PGGT1B: variants seen among roughly 807,000 people sequenced by gnomAD.
PGGT1B encodes protein geranylgeranyltransferase type I subunit beta.
A neutral mutation model predicts 46.1 loss-of-function variants in PGGT1B; 30 were observed. The observed-to-expected ratio is 0.65, with a 90% CI of 0.49 to 0.88. The LOEUF (loss-of-function observed/expected upper bound fraction) is 0.88, where lower values mean the gene tolerates loss of function less well. Among genes scored for constraint, PGGT1B ranks in the 40% least tolerant of loss-of-function variants. PGGT1B has a pLI of 0.00. For missense variants in PGGT1B, 376 were observed against 455.9 expected, an observed-to-expected ratio of 0.82 and a Z score of 1.60; for synonymous variants, 170 against 160.0, an observed-to-expected ratio of 1.06 and a Z score of -0.47.
Position 115,209,682 on chromosome 5 carries a change from G to T in PGGT1B, c.*2720C>A, listed in dbSNP as rs557865050. Reference sequence around the variant, plus strand: ...CACTGTTGTCATCATTTTCCCTGAGGTTAAACTGTTAAGACCTCTTTCTGT... The same window carrying T: ...CACTGTTGTCATCATTTTCCCTGAGTTTAAACTGTTAAGACCTCTTTCTGT... On this transcript the variant is annotated 3_prime_UTR_variant, in exon 9 of 9. Coordinates refer to ENST00000419445, the MANE Select transcript of PGGT1B (RefSeq NM_005023.4). 3.7e-4 allele frequency: 56 copies of T among 152,186 alleles called. No homozygotes were observed. The highest frequency in any genetic ancestry group is 1.3e-3 in the African/African-American group (54 of 41,534). 9.4% of individuals were successfully genotyped at this position (152,186 alleles called of 1,614,324 possible). A position where few individuals can be genotyped will look rare whatever the true frequency, so the allele number is the denominator to read the frequency against.
At chr5:115,234,032 C>A (rs991161073) in intron 5 of PGGT1B, among the ~76,000 whole-genome samples, 2 of 151,776 alleles carry the variant, frequency 1.3e-5, no homozygotes, top group African/African-American at 4.8e-5. Context: ...AATATATGCT[C>A]TAAATGTAGA....
At chr5:115,261,003 C>T (rs1258137636) in intron 1 of PGGT1B, among the ~76,000 whole-genome samples, 1 of 152,192 alleles carries the variant, frequency 6.6e-6, no homozygotes, top group African/African-American at 2.4e-5. Context: ...TTAACAATCA[C>T]AATTTAATCA....
At position 115,230,957 on chromosome 5, in the gene PGGT1B, C is replaced by G; in HGVS notation, c.658+19G>C. 6.7e-7 allele frequency: 1 copy of G among 1,496,790 alleles called. No individual in the cohort carries two copies. Among genetic ancestry groups the G allele is most frequent in the Non-Finnish European group, 9.2e-7 (1 of 1,081,978 alleles). The allele number at this position is 1,496,790 out of a possible 1,614,324, so 92.7% of individuals were successfully genotyped here. ...GGGAACAAAAGAAACTACATGTTCA[C>G]TTATTTAAGATGTCTTACCATGAGA... is the stretch of plus-strand genomic sequence containing the variant. On this transcript the variant is annotated intron_variant, in intron 6 of 8. Coordinates refer to ENST00000419445, the MANE Select transcript of PGGT1B (RefSeq NM_005023.4).
chr5:115,224,648 C>A (rs986087573), intron 6 of PGGT1B, among the ~76,000 whole-genome samples: 4 of 151,944 alleles, frequency 2.6e-5, no homozygotes, highest in African/African-American at 9.7e-5. Flanking sequence ...AGTGAGAGAA[C>A]TGCTTGAGCT....
At chr5:115,261,359 A>C (rs184951040) in intron 1 of PGGT1B, among the ~76,000 whole-genome samples, 1 of 152,268 alleles carries the variant, frequency 6.6e-6, no homozygotes, top group East Asian at 1.9e-4. Flanking sequence ...TATTCAACAA[A>C]TATTTCTTAG....
chr5:115,227,368 T>C (rs1031873887), intron 6 of PGGT1B, among the ~76,000 whole-genome samples: 1 of 152,174 alleles, frequency 6.6e-6, no homozygotes, highest in Admixed American at 6.5e-5. Context: ...ATGGTGGAAG[T>C]CAAGTAACAC....
intron 1 of PGGT1B, among the ~76,000 whole-genome samples, chr5:115,257,916 A>G (rs1404194691): frequency 6.6e-6 from 1 of 152,256 alleles, no homozygotes; most frequent in East Asian, 1.9e-4. Context: ...ATACTAGCAC[A>G]TAGATGCTGC....
At chr5:115,216,755 T>C (rs1423127402) in intron 8 of PGGT1B, 110 bp downstream of exon 8, 14 of 682,586 alleles carry the variant, frequency 2.1e-5, no homozygotes, top group Non-Finnish European at 3.7e-5. Context: ...TATTATTTAA[T>C]GTAACTTTGC....
At position 115,206,111 on chromosome 5, in the gene PGGT1B, T is replaced by A. The variant is rs1257148688; in HGVS notation, c.*6291A>T. ...TGGAATATTTAGTACCTCAGATCTTTATGTATAGTATACATACATATATCT... is the reference window on the plus strand; with the variant it reads ...TGGAATATTTAGTACCTCAGATCTTAATGTATAGTATACATACATATATCT... On this transcript the variant is annotated 3_prime_UTR_variant, in exon 9 of 9. Coordinates refer to ENST00000419445, the MANE Select transcript of PGGT1B (RefSeq NM_005023.4). The A allele has an allele frequency of 6.6e-6, 1 of 151,950 alleles. No homozygotes were observed. The highest frequency in any genetic ancestry group is 1.9e-4 in the East Asian group (1 of 5,190). 9.4% of individuals were successfully genotyped at this position (151,950 alleles called of 1,614,324 possible).
At chr5:115,231,050 A>C in intron 5 of PGGT1B, 29 bp from the exon 6 acceptor site, 1 of 1,252,644 alleles carries the variant, frequency 8.0e-7, no homozygotes, top group Non-Finnish European at 1.1e-6. Context: ...GTTCAGTTTA[A>C]TAGGGAAATA....
chr5:115,231,177 A>T (rs2303001), intron 5 of PGGT1B, among the ~76,000 whole-genome samples, 156 bp from the exon 6 acceptor site: 55,098 of 151,892 alleles, frequency 0.36, 10,682 homozygotes, highest in Non-Finnish European at 0.44. Flanking sequence ...GGAGAAGTAG[A>T]ATTAGGCATT....
intron 1 of PGGT1B, among the ~76,000 whole-genome samples, chr5:115,258,793 G>C (rs1432425683): frequency 6.6e-6 from 1 of 152,092 alleles, no homozygotes; most frequent in Non-Finnish European, 1.5e-5. Flanking sequence ...TCTAGTCAGG[G>C]GATTAGCCAT....
intron 2 of PGGT1B, among the ~76,000 whole-genome samples, chr5:115,243,830 G>T (rs1238633809): frequency 6.6e-6 from 1 of 151,784 alleles, no homozygotes; most frequent in Non-Finnish European, 1.5e-5. Flanking sequence ...ATCCCTTTTT[G>T]CTCCTAGATC....
chr5:115,227,947 C>A (rs1756843115), intron 6 of PGGT1B, among the ~76,000 whole-genome samples: 1 of 152,084 alleles, frequency 6.6e-6, no homozygotes, highest in South Asian at 2.1e-4. Context: ...TTATGGAGGA[C>A]AACTGGTGTA....
At chr5:115,219,848 T>C (rs765154292) in intron 7 of PGGT1B, among the ~76,000 whole-genome samples, 12 of 151,674 alleles carry the variant, frequency 7.9e-5, no homozygotes, top group Non-Finnish European at 1.6e-4. Flanking sequence ...TCAATATCAT[T>C]AGAAAAAAGC....
In PGGT1B at chr5:115,236,283, C is replaced by T. The variant is rs139267326; in HGVS notation, c.612+107G>A. The T allele has an allele frequency of 4.1e-3, 3,216 of 793,788 alleles. 14 individuals carry two copies. The highest frequency in any genetic ancestry group is 6.4e-3 in the Admixed American group (220 of 34,364). 49.2% of individuals were successfully genotyped at this position (793,788 alleles called of 1,614,324 possible). ...AATTTACCAAAAAGCAATCTTAATG[C>T]TCTTATTTACAAATTGTTGGCGGAA... On this transcript the variant is annotated intron_variant, in intron 5 of 8. Transcript: ENST00000419445.
chr5:115,236,600 C>T (rs1757190333), intron 4 of PGGT1B, 78 bp from the exon 5 acceptor site: 1 of 853,272 alleles, frequency 1.2e-6, no homozygotes, highest in Admixed American at 3.2e-5. Flanking sequence ...GAAACACCTC[C>T]TGCTTGTCTT....
At chr5:115,223,116 A>T (rs971337941) in intron 6 of PGGT1B, among the ~76,000 whole-genome samples, 8 of 144,304 alleles carry the variant, frequency 5.5e-5, no homozygotes, top group Non-Finnish European at 1.0e-4. Flanking sequence ...TTAAAGTATA[A>T]AAAAAAAAAA....
At position 115,247,227 on chromosome 5, in the gene PGGT1B, G is replaced by A. The variant is rs548344162; in HGVS notation, c.260-5621C>T. On this transcript the variant is annotated intron_variant, in intron 2 of 8. Transcript: ENST00000419445. Reference sequence around the variant, plus strand: ...CTTTAAAAAACGGTTATAAACTTATGGAATATAAAAGTTTGAGAGTTTAAA... The same window carrying A: ...CTTTAAAAAACGGTTATAAACTTATAGAATATAAAAGTTTGAGAGTTTAAA... Among the ~76,000 whole-genome samples, 144 of 152,150 alleles carry A rather than the reference G, an allele frequency of 9.5e-4. 1 individual carries two copies. The highest frequency in any genetic ancestry group is 3.4e-3 in the African/African-American group (140 of 41,532).
Sources: gnomAD v4.1 joint callset for allele counts (sites outside exome capture counted in the v4.1 genomes callset) on GRCh38, gnomAD v4.1.1 for gene constraint, MANE v1.5 for transcripts, NCBI Gene and HGNC (gene_info 2026-07-23, HGNC 2026-07-21) for gene names.